The following KRTDAP variants were observed in gnomAD, a reference collection of about 807,000 sequenced individuals.
KRTDAP encodes the protein keratinocyte differentiation associated protein, also known as keratinocyte differentiation-associated protein.
In KRTDAP, 14 loss-of-function variants were observed where a neutral mutation model predicts 18.6. The ratio of observed to expected loss-of-function variants is 0.75; its 90% confidence interval spans 0.50 to 1.18. KRTDAP has a LOEUF of 1.18. Among genes scored for constraint, KRTDAP ranks in the 50% most tolerant of loss-of-function variants. KRTDAP has a pLI of 0.00. For synonymous variants in KRTDAP, 53 were observed against 49.5 expected (o/e 1.07, Z -0.29); for missense variants, 114 against 121.3 (o/e 0.94, Z 0.28).
chr19:35,487,911 C>A (rs999144406), intron 4 of KRTDAP, 152 bp from the exon 5 acceptor site: 7 of 638,668 alleles, frequency 1.1e-5, no homozygotes, highest in Non-Finnish European at 1.7e-5. Context: ...TTTCCTGAGG[C>A]CTTAGTCTGT....
chr19:35,488,518 A>G, intron 3 of KRTDAP, 33 bp from the exon 4 acceptor site: 1 of 1,613,270 alleles, frequency 6.2e-7, no homozygotes, highest in Non-Finnish European at 8.5e-7. Context: ...GAAGCAGGTC[A>G]GCTCCAGGGG....
intron 2 of KRTDAP, 29 bp from the exon 3 acceptor site, chr19:35,488,732 GT>G: frequency 6.2e-7 from 1 of 1,614,190 alleles, no homozygotes; most frequent in East Asian, 2.2e-5. Flanking sequence ...TGTTAGGAAA[GT>G]TGCTAAGAAG....
chr19:35,489,906 T>A (rs986616436), intron 1 of KRTDAP, among the ~76,000 whole-genome samples: 9 of 152,052 alleles, frequency 5.9e-5, no homozygotes, highest in African/African-American at 2.2e-4. Flanking sequence ...ACTAGCTAGT[T>A]TTTTGCTTTG....
At chr19:35,487,577 T>G (rs984984283) in intron 5 of KRTDAP, 111 bp from the exon 6 acceptor site, 1 of 1,173,174 alleles carries the variant, frequency 8.5e-7, no homozygotes, top group African/African-American at 1.5e-5. Flanking sequence ...CTCCTCTATA[T>G]GTAGTAGCTA....
rs561733298 is a variant in KRTDAP at position 35,490,432 on chromosome 19, G to C, written c.11C>G (p.Pro4Arg). 2 of 1,612,780 alleles carry C rather than the reference G, an allele frequency of 1.2e-6. No homozygotes were observed. The highest frequency in any genetic ancestry group is 2.2e-5 in the East Asian group (1 of 44,870). Reference sequence around the variant, plus strand: ...GAGGAGCACCACGGCAGGAAGGACCGGGATCTTCATGGCGTCAAGTTTGGG... The same window carrying C: ...GAGGAGCACCACGGCAGGAAGGACCCGGATCTTCATGGCGTCAAGTTTGGG... MKI[P>R]VLPAVVLLSL... Residue 4 changes from proline (P) to arginine (R), a missense_variant, in exon 1 of 6, where the codon CCG (proline) becomes CGG (arginine). Physicochemically the swap from Pro to Arg is moderately radical, Grantham distance 103. Coordinates refer to ENST00000338897, the MANE Select transcript of KRTDAP (RefSeq NM_207392.3).
At chr19:35,489,238 G>A (rs921125198) in intron 1 of KRTDAP, among the ~76,000 whole-genome samples, 6 of 152,136 alleles carry the variant, frequency 3.9e-5, no homozygotes, top group East Asian at 1.9e-4. Flanking sequence ...GAGGTGACCC[G>A]CCTGCCTCTC....
rs1475380623 is a variant in KRTDAP, at chr19:35,488,683, C to T, written c.147G>A (p.Leu49=). 1 of 1,614,150 alleles carries T rather than the reference C, an allele frequency of 6.2e-7. No homozygotes were observed. Among genetic ancestry groups the T allele is most frequent in the Admixed American group, 1.7e-5 (1 of 60,016 alleles). Residue 49 remains leucine (L), a synonymous_variant, in exon 3 of 6, where the codon CTG becomes CTA. Transcript: ENST00000338897. ...TCACAGATCGCAATTTGTCGATGTT[C>T]AGGAACGGGGTGTTAAAGGCCTAGG... ...SRPEAFNTPF[L]NIDKLRSAFK...
intron 1 of KRTDAP, among the ~76,000 whole-genome samples, chr19:35,489,352 C>T (rs539099659): frequency 1.3e-4 from 20 of 152,190 alleles, no homozygotes; most frequent in Non-Finnish European, 2.8e-4. Context: ...TGTGTCCCAT[C>T]GTGTCTTCCC....
At chr19:35,487,545 T>G in intron 5 of KRTDAP, 79 bp from the exon 6 acceptor site, 1 of 1,362,534 alleles carries the variant, frequency 7.3e-7, no homozygotes, top group South Asian at 1.2e-5. Context: ...AAGGAATTTC[T>G]GCCTCGGTGT....
chr19:35,487,530 A>G (rs1478641492), intron 5 of KRTDAP, 64 bp from the exon 6 acceptor site: 1 of 1,429,416 alleles, frequency 7.0e-7, no homozygotes, highest in Non-Finnish European at 9.9e-7. Context: ...GATGGCATGG[A>G]TGGAAAGGAA....
At chr19:35,487,877 T>A (rs1194843306) in intron 4 of KRTDAP, 118 bp from the exon 5 acceptor site, 1 of 711,300 alleles carries the variant, frequency 1.4e-6, no homozygotes, top group Non-Finnish European at 2.5e-6. Context: ...CATTATTTTG[T>A]CATTACTTTA....
At chr19:35,488,962 T>C in intron 1 of KRTDAP, 122 bp from the exon 2 acceptor site, 1 of 819,528 alleles carries the variant, frequency 1.2e-6, no homozygotes, top group South Asian at 1.7e-5. Flanking sequence ...CGCAACCCAT[T>C]CCCCACCATG....
chr19:35,488,252 CG>C (rs1037845473), intron 4 of KRTDAP, among the ~76,000 whole-genome samples, 188 bp downstream of exon 4: 1 of 152,210 alleles, frequency 6.6e-6, no homozygotes, highest in Non-Finnish European at 1.5e-5. Flanking sequence ...TAGGAAAACA[CG>C]GGTAGCCAGG....
At chr19:35,488,605 T>G (rs1312153201) in intron 3 of KRTDAP, 57 bp downstream of exon 3, 4 of 1,611,026 alleles carry the variant, frequency 2.5e-6, no homozygotes, top group Non-Finnish European at 3.4e-6. Context: ...TACCAAGGCG[T>G]TTATCCCCTC....
chr19:35,487,855 T>C (rs1217004742), intron 4 of KRTDAP, 96 bp from the exon 5 acceptor site: 4 of 771,710 alleles, frequency 5.2e-6, no homozygotes, highest in East Asian at 4.9e-5. Context: ...GTAACCATAG[T>C]AACAATAATG....
At chr19:35,489,252 G>T (rs755890372) in intron 1 of KRTDAP, among the ~76,000 whole-genome samples, 1 of 152,188 alleles carries the variant, frequency 6.6e-6, no homozygotes, top group Non-Finnish European at 1.5e-5. Flanking sequence ...GCCTCTCACT[G>T]ATCGAGGTTG....
At chr19:35,488,911 T>C in intron 1 of KRTDAP, 71 bp from the exon 2 acceptor site, 4 of 1,410,960 alleles carry the variant, frequency 2.8e-6, no homozygotes, top group Middle Eastern at 2.1e-4. Flanking sequence ...CATCCCTGTC[T>C]GCCAGCTCTG....
At chr19:35,490,057 C>A (rs1258912691) in intron 1 of KRTDAP, among the ~76,000 whole-genome samples, 1 of 112,016 alleles carries the variant, frequency 8.9e-6, no homozygotes, top group East Asian at 2.1e-4. Context: ...TGGGTGAACA[C>A]TCTTGAGAGC....
chr19:35,487,676 C>G, intron 5 of KRTDAP, 36 bp downstream of exon 5: 1 of 1,574,996 alleles, frequency 6.3e-7, no homozygotes, highest in Non-Finnish European at 8.7e-7. Context: ...CCCTTACCCC[C>G]AAGCTCCATA....
Sources: allele counts gnomAD v4.1 joint callset (sites outside exome capture counted in the v4.1 genomes callset), GRCh38; gene constraint gnomAD v4.1.1; transcripts MANE v1.5; gene names NCBI Gene and HGNC (gene_info 2026-07-23, HGNC 2026-07-21).